KIF3B: variants seen among roughly 807,000 people sequenced by gnomAD.
The protein encoded by KIF3B is kinesin-like protein KIF3B.
In KIF3B, 38 loss-of-function variants were observed where a neutral mutation model predicts 74.3. The observed-to-expected ratio is 0.51, with a 90% CI of 0.39 to 0.67. KIF3B has a LOEUF of 0.67. Among genes scored for constraint, KIF3B ranks in the 30% least tolerant of loss-of-function variants. The pLI is 0.00. For synonymous variants in KIF3B, 326 were observed against 342.5 expected, an observed-to-expected ratio of 0.95 and a Z score of 0.53; for missense variants, 649 against 932.0, an observed-to-expected ratio of 0.70 and a Z score of 3.95.
At chr20:32,326,954 C>G in intron 6 of KIF3B, 70 bp downstream of exon 6, 1 of 782,698 alleles carries the variant, frequency 1.3e-6, no homozygotes, top group South Asian at 1.7e-5. Context: ...AACAAGAGCC[C>G]TCTGGTCAAC....
intron 2 of KIF3B, among the ~76,000 whole-genome samples, chr20:32,311,793 T>A (rs1394404150): frequency 6.9e-6 from 1 of 144,624 alleles, no homozygotes; most frequent in African/African-American, 2.6e-5. Flanking sequence ...TAGAACAACA[T>A]CCATTTTTCT....
intron 5 of KIF3B, among the ~76,000 whole-genome samples, chr20:32,323,314 A>C (rs760882308): frequency 6.7e-6 from 1 of 150,366 alleles, no homozygotes; most frequent in Non-Finnish European, 1.5e-5. Flanking sequence ...TCGTTTTAAG[A>C]TCTACATATT....
chr20:32,285,636 T>C (rs1303195145), intron 1 of KIF3B, among the ~76,000 whole-genome samples: 2 of 152,188 alleles, frequency 1.3e-5, no homozygotes, highest in Admixed American at 1.3e-4. Context: ...ACTCAACCTC[T>C]CTAGGCCTCT....
chr20:32,297,778 C>A (rs2122671623), intron 1 of KIF3B, among the ~76,000 whole-genome samples: 1 of 151,906 alleles, frequency 6.6e-6, no homozygotes, highest in East Asian at 1.9e-4. Context: ...GTCAGATATT[C>A]CCATGTTTCC....
At chr20:32,319,207 C>T (rs1233806556) in intron 5 of KIF3B, among the ~76,000 whole-genome samples, 6 of 151,844 alleles carry the variant, frequency 4.0e-5, no homozygotes, top group African/African-American at 7.3e-5. Flanking sequence ...GCAGTCTGCC[C>T]GACTTAGCCT....
chr20:32,334,879 G>A lies in KIF3B; in HGVS notation c.*3560G>A, dbSNP rs1056610775. 7 of 152,440 alleles carry A rather than the reference G, an allele frequency of 4.6e-5. No homozygotes were observed. Among genetic ancestry groups the A allele is most frequent in the African/African-American group, 7.2e-5 (3 of 41,390 alleles). The allele number at this position is 152,440 out of a possible 1,614,324, so 9.4% of individuals were successfully genotyped here. On this transcript the variant is annotated 3_prime_UTR_variant, in exon 9 of 9. Coordinates refer to ENST00000375712, the MANE Select transcript of KIF3B (RefSeq NM_004798.4). ...TTGGCTACCTTTAGACAAAGAATAC[G>A]CCAATCAATACTTGGGGCTCTAAGT...
intron 5 of KIF3B, among the ~76,000 whole-genome samples, chr20:32,320,138 A>G (rs1048617624): frequency 6.6e-6 from 1 of 151,106 alleles, no homozygotes; most frequent in Non-Finnish European, 1.5e-5. Flanking sequence ...CAGGTGATCC[A>G]CCCGCCTCAG....
At chr20:32,300,847 TGTTGTTG>T (rs992993228) in intron 1 of KIF3B, among the ~76,000 whole-genome samples, 21 of 149,666 alleles carry the variant, frequency 1.4e-4, no homozygotes, top group Non-Finnish European at 2.8e-4. Flanking sequence ...ATTTTGTTGT[TGTTGTTG>T]TTGTTGTTGT....
At chr20:32,298,736 G>C (rs1046095294) in intron 1 of KIF3B, among the ~76,000 whole-genome samples, 1 of 150,238 alleles carries the variant, frequency 6.7e-6, no homozygotes, top group Non-Finnish European at 1.5e-5. Context: ...TGGTACAATC[G>C]TGACTGACTG....
chr20:32,307,489 T>A lies in KIF3B; in HGVS notation c.-65-2224T>A, dbSNP rs181237730. ...CTGTTGCTCCCACAATAAATATCCT[T>A]ATGTATATGTCATTGTTTAAAATCT... On this transcript the variant is annotated intron_variant, in intron 1 of 8. Coordinates refer to ENST00000375712, the MANE Select transcript of KIF3B (RefSeq NM_004798.4). Among the ~76,000 whole-genome samples the A allele has an allele frequency of 2.4e-4, 37 of 152,280 alleles. 1 individual carries two copies. In the East Asian group the frequency reaches 4.0e-3, roughly 17 times the overall value.
intron 6 of KIF3B, among the ~76,000 whole-genome samples, chr20:32,327,088 G>C (rs906845533): frequency 6.6e-6 from 1 of 152,140 alleles, no homozygotes; most frequent in Non-Finnish European, 1.5e-5. Context: ...TTAGGAATTG[G>C]GAGACTTTGT....
chr20:32,287,151 A>G (rs2047670846), intron 1 of KIF3B, among the ~76,000 whole-genome samples: 1 of 151,944 alleles, frequency 6.6e-6, no homozygotes, highest in Non-Finnish European at 1.5e-5. Context: ...CCATTTTTCC[A>G]TATTTTTGTA....
intron 5 of KIF3B, among the ~76,000 whole-genome samples, chr20:32,319,556 A>G (rs1455296571): frequency 7.4e-6 from 1 of 134,388 alleles, no homozygotes; most frequent in Non-Finnish European, 1.6e-5. Context: ...ATGTGTATAT[A>G]TATAGTTTTT....
intron 8 of KIF3B, among the ~76,000 whole-genome samples, 170 bp from the exon 9 acceptor site, chr20:32,331,053 C>T (rs2047927320): frequency 6.6e-6 from 1 of 152,198 alleles, no homozygotes; most frequent in African/African-American, 2.4e-5. Flanking sequence ...GTTCTGAGGC[C>T]ATTTTCACCA....
chr20:32,330,558 G>A (rs1000680993), intron 8 of KIF3B, among the ~76,000 whole-genome samples: 5 of 152,224 alleles, frequency 3.3e-5, no homozygotes, highest in Non-Finnish European at 7.3e-5. Flanking sequence ...ATGTGTTCTA[G>A]TGAAATAGCA....
In KIF3B at chr20:32,310,650, A is replaced by G. The variant is rs1014772332; in HGVS notation, c.873A>G (p.Pro291=). The change falls in exon 2 of 9, where the codon CCA becomes CCG. Residue 291 remains proline, a synonymous_variant. Transcript: ENST00000375712. The surrounding 1 kb of genome is among the most constrained non-coding windows in gnomAD (Gnocchi z 6.5). Reference sequence around the variant, plus strand: ...TGGACGGCAAAAGCACTCACATTCCATATCGGGACTCAAAGCTTACCAGGC... The same window carrying G: ...TGGACGGCAAAAGCACTCACATTCCGTATCGGGACTCAAAGCTTACCAGGC... ...ALVDGKSTHI[P]YRDSKLTRLL... 3 of 1,613,970 alleles carry G rather than the reference A, an allele frequency of 1.9e-6. No individual in the cohort carries two copies. Among genetic ancestry groups the G allele is most frequent in the Non-Finnish European group, 2.5e-6 (3 of 1,180,022 alleles).
intron 1 of KIF3B, among the ~76,000 whole-genome samples, chr20:32,300,975 G>A (rs1006937575): frequency 6.6e-6 from 1 of 151,068 alleles, no homozygotes; most frequent in Non-Finnish European, 1.5e-5. Context: ...TGATCCTCTC[G>A]CCTCAATCTC....
At chr20:32,283,466 T>G (rs1028489135) in intron 1 of KIF3B, among the ~76,000 whole-genome samples, 3 of 150,386 alleles carry the variant, frequency 2.0e-5, no homozygotes, top group African/African-American at 7.4e-5. Context: ...ATCGCACCAC[T>G]GCACTCCAGC....
At position 32,327,448 on chromosome 20, in the gene KIF3B, G is replaced by A. The variant is rs902988934; in HGVS notation, c.1863-108G>A. ...CAGAAGCATTTCCCGTCCCACTTAC[G>A]TCAGCCTGCAGTCCAGGGAGTTACT... On this transcript the variant is annotated intron_variant, in intron 6 of 8. Coordinates refer to ENST00000375712, the MANE Select transcript of KIF3B (RefSeq NM_004798.4). 41 of 790,912 alleles carry A rather than the reference G, an allele frequency of 5.2e-5. 1 individual carries two copies. The African/African-American group carries it at 5.4e-4, about 10-fold the overall frequency. The allele number at this position is 790,912 out of a possible 1,614,324, so 49.0% of individuals were successfully genotyped here. A position where few individuals can be genotyped will look rare whatever the true frequency, so the allele number is the denominator to read the frequency against.
Sources: allele counts gnomAD v4.1 joint callset (sites outside exome capture counted in the v4.1 genomes callset), GRCh38; gene constraint gnomAD v4.1.1; non-coding constraint Gnocchi (gnomAD v3.1); transcripts MANE v1.5; gene names NCBI Gene and HGNC (gene_info 2026-07-23, HGNC 2026-07-21).